Variants in ACP6 observed in about 807,000 individuals in gnomAD.
The protein encoded by ACP6 is lysophosphatidic acid phosphatase type 6.
Under a neutral mutation model 48.1 loss-of-function variants are expected in ACP6, and 48 were observed. That is an observed-to-expected ratio of 1.00 (90% CI 0.79 to 1.27). The LOEUF is 1.27. ACP6 is among the 50% of genes most tolerant of loss of function. The pLI is 0.00. For synonymous variants in ACP6, 172 were observed against 204.2 expected (o/e 0.84, Z 1.34); for missense variants, 485 against 529.1 (o/e 0.92, Z 0.82).
rs1468632631 is a variant in ACP6, at chr1:147,654,202, C to T, written c.772G>A (p.Ala258Thr). 1 of 1,613,978 alleles carries T rather than the reference C, an allele frequency of 6.2e-7. No homozygotes were observed. The highest frequency in any genetic ancestry group is 2.2e-5 in the East Asian group (1 of 44,886). ...CCAACCCCAGGACTCACCTGCTCGG[C>T]AGCCACGTTGTCCAGGAGGATGAAG... ...DFFILLDNVA[A>T]EQAHNLPSCP... Residue 258 changes from alanine (A) to threonine (T), a missense_variant, in exon 6 of 10, where the codon GCC (alanine) becomes ACC (threonine). Physicochemically the swap from Ala to Thr is moderately conservative, Grantham distance 58 (BLOSUM62 0). Coordinates refer to ENST00000583509, the MANE Select transcript of ACP6 (RefSeq NM_016361.5).
chr1:147,664,978 G>A (rs2148916480), intron 1 of ACP6, among the ~76,000 whole-genome samples: 1 of 152,306 alleles, frequency 6.6e-6, no homozygotes, highest in South Asian at 2.1e-4. Flanking sequence ...TAACTAGAAA[G>A]CTTGCGCAAA....
chr1:147,632,737 T>C (rs1659203387), intron 5 of ACP6, among the ~76,000 whole-genome samples: 1 of 151,996 alleles, frequency 6.6e-6, no homozygotes, highest in African/African-American at 2.4e-5. Flanking sequence ...ATGCTAAGTG[T>C]TTTATCAAGT....
rs1021844674 is a variant in ACP6, at chr1:147,643,807, G to A, written c.*3616C>T. 1.5e-4 allele frequency: 23 copies of A among 152,146 alleles called. No homozygotes were observed. Among genetic ancestry groups the A allele is most frequent in the Non-Finnish European group, 2.9e-4 (20 of 68,028 alleles). 9.4% of individuals were successfully genotyped at this position (152,146 alleles called of 1,614,324 possible). On this transcript the variant is annotated 3_prime_UTR_variant, in exon 10 of 10. Transcript: ENST00000583509. Reference sequence around the variant, plus strand: ...GTTGCTATAACAGAATACCACAGATGGGGTAATTTGTAATGAACAGAAATT... The same window carrying A: ...GTTGCTATAACAGAATACCACAGATAGGGTAATTTGTAATGAACAGAAATT...
chr1:147,665,232 C>T (rs1241415297), intron 1 of ACP6, among the ~76,000 whole-genome samples: 1 of 152,154 alleles, frequency 6.6e-6, no homozygotes, highest in East Asian at 1.9e-4. Flanking sequence ...GCATACATCA[C>T]AATTGGAATG....
chr1:147,647,116 GA>G lies in ACP6; in HGVS notation c.*306del, dbSNP rs1384787300. The G allele has an allele frequency of 1.7e-5, 5 of 299,482 alleles. No homozygotes were observed. Among genetic ancestry groups the G allele is most frequent in the African/African-American group, 8.8e-5 (4 of 45,708 alleles). The allele number at this position is 299,482 out of a possible 1,614,324, so 18.6% of individuals were successfully genotyped here. On this transcript the variant is annotated 3_prime_UTR_variant, in exon 10 of 10. Coordinates refer to ENST00000583509, the MANE Select transcript of ACP6 (RefSeq NM_016361.5). Reference sequence around the variant, plus strand: ...CAATACATGTGAAATTAATATAGGAGAAAAGAACTAAAGTCCAAAACCGACA... The same window carrying G: ...CAATACATGTGAAATTAATATAGGAGAAAGAACTAAAGTCCAAAACCGACA...
chr1:147,657,092 C>T (rs1660296547), intron 4 of ACP6, among the ~76,000 whole-genome samples: 1 of 152,200 alleles, frequency 6.6e-6, no homozygotes, highest in Non-Finnish European at 1.5e-5. Flanking sequence ...TGTGGAATGA[C>T]TGTACTAAGT....
chr1:147,659,566 T>A (rs1325514759), intron 2 of ACP6, 40 bp from the exon 3 acceptor site: 1 of 1,613,754 alleles, frequency 6.2e-7, no homozygotes, highest in Non-Finnish European at 8.5e-7. Context: ...TGAAAACACC[T>A]GACAGCCTGC....
chr1:147,659,391 C>A lies in ACP6; in HGVS notation c.479+5G>T, dbSNP rs782247712. The A allele has an allele frequency of 6.2e-7, 1 of 1,613,504 alleles. No individual in the cohort carries two copies. Among genetic ancestry groups the A allele is most frequent in the South Asian group, 1.1e-5 (1 of 90,990 alleles). On this transcript the variant is annotated splice_donor_5th_base_variant and intron_variant, in intron 3 of 9. Transcript: ENST00000583509. Reference sequence around the variant, plus strand: ...AAGTGCAACATCCCCTTTCAAGTGACTCACAAGACCTCCTGTGGGTTGAAG... The same window carrying A: ...AAGTGCAACATCCCCTTTCAAGTGAATCACAAGACCTCCTGTGGGTTGAAG...
rs1659565368 is a variant in ACP6, at chr1:147,644,852, G to T, written c.*2571C>A. Reference sequence around the variant, plus strand: ...GACAATGGGAAGTTTGATACCTATTGTATATCTTAAACATCCAAATAGAGA... The same window carrying T: ...GACAATGGGAAGTTTGATACCTATTTTATATCTTAAACATCCAAATAGAGA... On this transcript the variant is annotated 3_prime_UTR_variant, in exon 10 of 10. Coordinates refer to ENST00000583509, the MANE Select transcript of ACP6 (RefSeq NM_016361.5). 6.6e-6 allele frequency: 1 copy of T among 152,154 alleles called. No homozygotes were observed. The highest frequency in any genetic ancestry group is 1.5e-5 in the Non-Finnish European group (1 of 68,034). 9.4% of individuals were successfully genotyped at this position (152,154 alleles called of 1,614,324 possible). A position where few individuals can be genotyped will look rare whatever the true frequency, so the allele number is the denominator to read the frequency against.
intron 4 of ACP6, among the ~76,000 whole-genome samples, chr1:147,657,641 G>C (rs1172943507): frequency 3.9e-5 from 6 of 152,020 alleles, no homozygotes; most frequent in African/African-American, 1.4e-4. Flanking sequence ...GGCTGGTCTT[G>C]AACTCCTGAT....
intron 5 of ACP6, among the ~76,000 whole-genome samples, chr1:147,634,812 G>C (rs1553207820): frequency 6.6e-6 from 1 of 152,138 alleles, no homozygotes; most frequent in Non-Finnish European, 1.5e-5. Flanking sequence ...AGAGTCTATT[G>C]AAGAAGTCAA....
intron 7 of ACP6, 150 bp from the exon 8 acceptor site, chr1:147,650,388 G>C: frequency 1.8e-6 from 1 of 552,062 alleles, no homozygotes. Flanking sequence ...CAGAAGGAGA[G>C]AAATGGCACC....
At chr1:147,669,797 C>A (rs782702562) in intron 1 of ACP6, 33 bp downstream of exon 1, 6 of 1,535,516 alleles carry the variant, frequency 3.9e-6, no homozygotes, top group African/African-American at 1.4e-5. Flanking sequence ...ACGGTCCTCG[C>A]CCCACCAGCC....
At chr1:147,665,517 A>G (rs1292915479) in intron 1 of ACP6, among the ~76,000 whole-genome samples, 1 of 152,200 alleles carries the variant, frequency 6.6e-6, no homozygotes, top group Non-Finnish European at 1.5e-5. Flanking sequence ...TGGAAAGCTG[A>G]TTTCAGTTTT....
intron 1 of ACP6, among the ~76,000 whole-genome samples, chr1:147,661,953 G>T (rs1428576643): frequency 6.6e-6 from 1 of 152,194 alleles, no homozygotes; most frequent in Non-Finnish European, 1.5e-5. Flanking sequence ...AATGCAGCTG[G>T]TTTCCTTAAG....
rs1383411991 is a variant in ACP6, at chr1:147,643,075, T to C, written c.*4348A>G. ...TCTTCTTATAAGGATTCCAGTCATA[T>C]TGGATTACAGCCTACCCATATGACC... is the stretch of plus-strand genomic sequence containing the variant. On this transcript the variant is annotated 3_prime_UTR_variant, in exon 10 of 10. Coordinates refer to ENST00000583509, the MANE Select transcript of ACP6 (RefSeq NM_016361.5). The C allele has an allele frequency of 2.6e-5, 4 of 152,232 alleles. No individual in the cohort carries two copies. Among genetic ancestry groups the C allele is most frequent in the Non-Finnish European group, 5.9e-5 (4 of 68,052 alleles). The allele number at this position is 152,232 out of a possible 1,614,324, so 9.4% of individuals were successfully genotyped here.
rs1659476897 is a variant in ACP6, at chr1:147,642,344, T to A, written c.*5079A>T. On this transcript the variant is annotated 3_prime_UTR_variant, in exon 10 of 10. Transcript: ENST00000583509. ...CAATAAAAGACAAGACAAACAACCT[T>A]CTATTGAAGGACAAACAGAAACACG... The A allele has an allele frequency of 6.6e-6, 1 of 152,068 alleles. No homozygotes were observed. Among genetic ancestry groups the A allele is most frequent in the Non-Finnish European group, 1.5e-5 (1 of 68,034 alleles). The allele number at this position is 152,068 out of a possible 1,614,324, so 9.4% of individuals were successfully genotyped here. A position where few individuals can be genotyped will look rare whatever the true frequency, so the allele number is the denominator to read the frequency against.
At chr1:147,631,462 C>T (rs1353144305) in intron 5 of ACP6, among the ~76,000 whole-genome samples, 1 of 152,102 alleles carries the variant, frequency 6.6e-6, no homozygotes, top group African/African-American at 2.4e-5. Flanking sequence ...TGTTTTTTAA[C>T]CAGTATTTTC....
intron 5 of ACP6, among the ~76,000 whole-genome samples, chr1:147,636,750 A>G (rs1302799054): frequency 1.3e-5 from 2 of 152,256 alleles, no homozygotes; most frequent in African/African-American, 4.8e-5. Flanking sequence ...GCAAAAAGAT[A>G]TGAAATGGCT....
Sources: gnomAD v4.1 joint callset for allele counts (sites outside exome capture counted in the v4.1 genomes callset) on GRCh38, gnomAD v4.1.1 for gene constraint, MANE v1.5 for transcripts, NCBI Gene and HGNC (gene_info 2026-07-23, HGNC 2026-07-21) for gene names.